Variants in LGR5 observed in about 807,000 individuals in gnomAD.
The protein encoded by LGR5 is leucine rich repeat containing G protein-coupled receptor 5, also known as leucine-rich repeat-containing G protein-coupled receptor 5.
A neutral mutation model predicts 76.7 loss-of-function variants in LGR5; 54 were observed. The ratio of observed to expected loss-of-function variants is 0.70; its 90% CI spans 0.57 to 0.88. The LOEUF is 0.88. LGR5 is among the 40% of genes least tolerant of loss of function. LGR5 has a pLI of 0.00. For missense variants in LGR5, 1,078 were observed against 1,073.3 expected (o/e 1.00, Z -0.06); for synonymous variants, 406 against 421.9 (o/e 0.96, Z 0.46).
chr12:71,583,861 T>C lies in LGR5; in HGVS notation c.1851T>C (p.Asp617=). The C allele has an allele frequency of 1.2e-6, 2 of 1,614,140 alleles. No homozygotes were observed. The highest frequency in any genetic ancestry group is 8.5e-7 in the Non-Finnish European group (1 of 1,180,022). ...GVSSAVLAGV[D]AFTFGSFARH... is the part of the protein sequence containing the mutation. Reference sequence around the variant, plus strand: ...CCAGTGCCGTGCTGGCTGGTGTGGATGCGTTCACTTTTGGCAGCTTTGCAC... The same window carrying C: ...CCAGTGCCGTGCTGGCTGGTGTGGACGCGTTCACTTTTGGCAGCTTTGCAC... Residue 617 remains aspartate, a synonymous_variant, in exon 18 of 18, where the codon GAT becomes GAC. Coordinates refer to ENST00000266674, the MANE Select transcript of LGR5 (RefSeq NM_003667.4).
At chr12:71,511,653 A>C (rs1020253449) in intron 2 of LGR5, among the ~76,000 whole-genome samples, 2 of 152,154 alleles carry the variant, frequency 1.3e-5, no homozygotes, top group African/African-American at 4.8e-5. Context: ...TAGCTACCAC[A>C]TTTTGAAAAT....
chr12:71,578,044 AC>A, intron 14 of LGR5, 48 bp downstream of exon 14: 1 of 1,377,556 alleles, frequency 7.3e-7, no homozygotes, highest in Non-Finnish European at 1.0e-6. Flanking sequence ...ATAATTGAGG[AC>A]CATCTAGTTA....
At chr12:71,476,217 A>G (rs1187878791) in intron 1 of LGR5, among the ~76,000 whole-genome samples, 1 of 152,178 alleles carries the variant, frequency 6.6e-6, no homozygotes, top group Non-Finnish European at 1.5e-5. Flanking sequence ...TTTGATATTG[A>G]AAAAGGGCTA....
At chr12:71,496,461 G>C (rs921188750) in intron 1 of LGR5, among the ~76,000 whole-genome samples, 4 of 151,396 alleles carry the variant, frequency 2.6e-5, no homozygotes, top group African/African-American at 9.7e-5. Context: ...GAAATAATTG[G>C]TATTCTTATA....
At chr12:71,446,949 T>A (rs1872026582) in intron 1 of LGR5, among the ~76,000 whole-genome samples, 2 of 152,208 alleles carry the variant, frequency 1.3e-5, no homozygotes, top group Non-Finnish European at 1.5e-5. Flanking sequence ...TGAAGAGGGA[T>A]CAATAGATTA....
At chr12:71,486,964 G>A (rs957451822) in intron 1 of LGR5, among the ~76,000 whole-genome samples, 1 of 152,136 alleles carries the variant, frequency 6.6e-6, no homozygotes, top group Non-Finnish European at 1.5e-5. Flanking sequence ...GATTTCACTA[G>A]CATTTAAAGA....
rs149369154 is a variant in LGR5, at chr12:71,553,178, C to T, written c.534C>T (p.Pro178=). 9.3e-6 allele frequency: 15 copies of T among 1,613,940 alleles called. No individual in the cohort carries two copies. In the African/African-American group the frequency reaches 1.1e-4, roughly 11 times the overall value. Residue 178 remains proline (P), a synonymous_variant, in exon 5 of 18, where the codon CCC becomes CCT. Coordinates refer to ENST00000266674, the MANE Select transcript of LGR5 (RefSeq NM_003667.4). The stretch of plus-strand genomic sequence containing the variant: ...ATGACAATGCGTTAACAGAAATCCC[C>T]GTCCAGGCTTTTAGAAGTTTATCGG... ...WLDDNALTEI[P]VQAFRSLSAL... is the part of the protein sequence containing the mutation.
intron 2 of LGR5, among the ~76,000 whole-genome samples, chr12:71,508,551 C>T (rs1459480006): frequency 6.6e-6 from 1 of 152,030 alleles, no homozygotes; most frequent in South Asian, 2.1e-4. Flanking sequence ...GTCAAGAGAT[C>T]GAGACCATCC....
chr12:71,567,950 A>G (rs1052529448), intron 11 of LGR5, among the ~76,000 whole-genome samples: 1 of 152,338 alleles, frequency 6.6e-6, no homozygotes, highest in South Asian at 2.1e-4. Flanking sequence ...GCGAGTTTGA[A>G]TTCAAATACA....
chr12:71,501,513 G>C (rs569450945), intron 1 of LGR5, among the ~76,000 whole-genome samples: 5 of 152,148 alleles, frequency 3.3e-5, no homozygotes, highest in African/African-American at 1.2e-4. Context: ...TCAAAGATGA[G>C]CAGGCTAAAA....
rs150729035 is a variant in LGR5, at chr12:71,586,042, A to G, written c.*1308A>G. On this transcript the variant is annotated 3_prime_UTR_variant, in exon 18 of 18. Transcript: ENST00000266674. The stretch of plus-strand genomic sequence containing the variant: ...TGTTTTAACTTGGATTTGAAAAAAT[A>G]CATTTATGAGATGTTTTATAAGATG... 1.1e-4 allele frequency: 16 copies of G among 152,338 alleles called. 1 individual carries two copies. Among genetic ancestry groups the G allele is most frequent in the African/African-American group, 3.8e-4 (16 of 41,580 alleles). 9.4% of individuals were successfully genotyped at this position (152,338 alleles called of 1,614,324 possible).
At chr12:71,507,878 A>T (rs1392748038) in intron 2 of LGR5, among the ~76,000 whole-genome samples, 1 of 152,032 alleles carries the variant, frequency 6.6e-6, no homozygotes, top group African/African-American at 2.4e-5. Flanking sequence ...ACTGCCACTG[A>T]CACTATCAAT....
intron 1 of LGR5, among the ~76,000 whole-genome samples, chr12:71,489,026 G>A (rs1262391039): frequency 1.3e-5 from 2 of 152,070 alleles, no homozygotes; most frequent in African/African-American, 4.8e-5. Context: ...TTCTACAAGG[G>A]AAAGCCTTAA....
chr12:71,516,889 T>A (rs894090289), intron 2 of LGR5, among the ~76,000 whole-genome samples: 2 of 152,132 alleles, frequency 1.3e-5, no homozygotes, highest in Non-Finnish European at 2.9e-5. Context: ...TAAAAACTTT[T>A]TAAAATATTT....
chr12:71,471,595 A>G (rs984207755), intron 1 of LGR5, among the ~76,000 whole-genome samples: 5 of 151,986 alleles, frequency 3.3e-5, no homozygotes, highest in African/African-American at 9.7e-5. Flanking sequence ...GTAATACTTT[A>G]GGTGAGTTGT....
chr12:71,542,632 G>A (rs1170523338), intron 4 of LGR5, among the ~76,000 whole-genome samples: 1 of 152,154 alleles, frequency 6.6e-6, no homozygotes, highest in Non-Finnish European at 1.5e-5. Flanking sequence ...GTTTGGTAAT[G>A]AATTGGCTAT....
chr12:71,584,039 C>A lies in LGR5; in HGVS notation c.2029C>A (p.Pro677Thr). Residue 677 changes from proline to threonine, a missense_variant, in exon 18 of 18, where the codon CCA becomes ACA. Pro to Thr is a conservative substitution (Grantham distance 38, BLOSUM62 -1). Coordinates refer to ENST00000266674, the MANE Select transcript of LGR5 (RefSeq NM_003667.4). Reference sequence around the variant, plus strand: ...TTCTGCAAAATTTGAAACGAAAGCTCCATTTTCTAGCCTGAAAGTAATCAT... The same window carrying A: ...TTCTGCAAAATTTGAAACGAAAGCTACATTTTCTAGCCTGAAAGTAATCAT... ...KYSAKFETKA[P>T]FSSLKVIILL... 3 of 1,614,182 alleles carry A rather than the reference C, an allele frequency of 1.9e-6. No homozygotes were observed. Among genetic ancestry groups the A allele is most frequent in the Middle Eastern group, 1.6e-4 (1 of 6,062 alleles).
chr12:71,549,212 T>C (rs1877352441), intron 4 of LGR5, among the ~76,000 whole-genome samples: 1 of 152,200 alleles, frequency 6.6e-6, no homozygotes, highest in Non-Finnish European at 1.5e-5. Flanking sequence ...TCTATACTCC[T>C]GTTTACCCTT....
At chr12:71,484,941 C>T (rs12829519) in intron 1 of LGR5, among the ~76,000 whole-genome samples, 13,604 of 152,142 alleles carry the variant, frequency 0.089, 638 homozygotes, top group Non-Finnish European at 0.11. Flanking sequence ...TTAATATAAC[C>T]ATTTAATACG....
Sources: gnomAD v4.1 joint callset for allele counts (sites outside exome capture counted in the v4.1 genomes callset) on GRCh38, gnomAD v4.1.1 for gene constraint, MANE v1.5 for transcripts, NCBI Gene and HGNC (gene_info 2026-07-23, HGNC 2026-07-21) for gene names.